The following PTPRE variants were observed in gnomAD, a reference collection of about 807,000 sequenced individuals.
PTPRE encodes the protein receptor-type tyrosine-protein phosphatase epsilon.
PTPRE carries 51 observed loss-of-function variants against 102.0 expected under a neutral mutation model. The ratio of observed to expected loss-of-function variants is 0.50; its 90% CI spans 0.40 to 0.63. The LOEUF is 0.63. PTPRE is among the 30% of genes least tolerant of loss of function. The probability of loss-of-function intolerance (pLI) is 0.00; values close to 1 mark genes in which losing one functional copy is unlikely to be tolerated. For missense variants in PTPRE, 752 were observed against 915.1 expected, an observed-to-expected ratio of 0.82 and a Z score of 2.30; for synonymous variants, 345 against 348.2, an observed-to-expected ratio of 0.99 and a Z score of 0.10.
chr10:128,076,386 G>C (rs1333962325), intron 17 of PTPRE, among the ~76,000 whole-genome samples: 1 of 151,930 alleles, frequency 6.6e-6, no homozygotes, highest in Non-Finnish European at 1.5e-5. Flanking sequence ...TCTGCCATAT[G>C]TTAAGGTTTC....
rs1851970181 is a variant in PTPRE at position 128,084,623 on chromosome 10, AT to A, written c.*1718del. 6.5e-6 allele frequency: 1 copy of A among 153,384 alleles called. No homozygotes were observed. Among genetic ancestry groups the A allele is most frequent in the African/African-American group, 2.4e-5 (1 of 41,426 alleles). The allele number at this position is 153,384 out of a possible 1,614,324, so 9.5% of individuals were successfully genotyped here. A position where few individuals can be genotyped will look rare whatever the true frequency, so the allele number is the denominator to read the frequency against. ...GTGCTCCTCTCTCCTTCTCTGTACA[AT>A]GATTCAGCATCTCGGCGGAAGAGGA... On this transcript the variant is annotated 3_prime_UTR_variant, in exon 21 of 21. Coordinates refer to ENST00000254667, the MANE Select transcript of PTPRE (RefSeq NM_006504.6).
rs12246187 is a variant in PTPRE, at chr10:127,907,994, C to G, written c.-31+685C>G. ...GCGCGGTGCCAATTCTGAGAGCTCC[C>G]GGGACCATCTGGGGAAGGCCGGGCA... is the stretch of plus-strand genomic sequence containing the variant. On this transcript the variant is annotated intron_variant, in intron 1 of 20. Transcript: ENST00000254667. This position sits in a 1 kb window ranked among gnomAD's most constrained non-coding sequence, Gnocchi z 4.8. Among the ~76,000 whole-genome samples, 64,957 of 152,006 alleles carry G rather than the reference C, an allele frequency of 0.43. 14,314 individuals carry two copies. Among genetic ancestry groups the G allele is most frequent in the Non-Finnish European group, 0.46 (31,475 of 67,932 alleles).
intron 20 of PTPRE, among the ~76,000 whole-genome samples, chr10:128,080,058 ATT>A (rs1851564352): frequency 6.6e-6 from 1 of 151,358 alleles, no homozygotes; most frequent in African/African-American, 2.4e-5. Context: ...CAGCACTGAA[ATT>A]TAAAATCCTG....
intron 2 of PTPRE, among the ~76,000 whole-genome samples, chr10:127,996,163 GA>G (rs1477014851): frequency 1.3e-5 from 2 of 152,176 alleles, no homozygotes; most frequent in South Asian, 4.1e-4. Flanking sequence ...ATTTGGAAGG[GA>G]GAGAGCTTCT....
intron 2 of PTPRE, among the ~76,000 whole-genome samples, chr10:128,010,168 C>A (rs1844864769): frequency 1.3e-5 from 2 of 152,236 alleles, no homozygotes; most frequent in South Asian, 4.1e-4. Flanking sequence ...GCCCTTCCAG[C>A]CTGGATACCT....
intron 1 of PTPRE, among the ~76,000 whole-genome samples, chr10:127,979,421 T>G (rs1216348106): frequency 6.6e-6 from 1 of 152,274 alleles, no homozygotes; most frequent in Non-Finnish European, 1.5e-5. Context: ...GAGAACATTA[T>G]GATTGGTTTT....
chr10:127,975,080 G>C (rs1768832859), intron 1 of PTPRE, among the ~76,000 whole-genome samples: 2 of 152,308 alleles, frequency 1.3e-5, no homozygotes, highest in South Asian at 4.1e-4. Context: ...GGAGAGAGTA[G>C]GACTTGACCT....
At chr10:127,910,340 G>A (rs1845783515) in intron 1 of PTPRE, among the ~76,000 whole-genome samples, 1 of 152,012 alleles carries the variant, frequency 6.6e-6, no homozygotes, top group South Asian at 2.1e-4. Context: ...CATACCTCAA[G>A]GCCCACCTCA....
At chr10:127,984,967 G>A (rs928294272) in intron 2 of PTPRE, among the ~76,000 whole-genome samples, 2 of 152,236 alleles carry the variant, frequency 1.3e-5, no homozygotes, top group African/African-American at 4.8e-5. Context: ...TCACTGCTAA[G>A]CATTTGAGAC....
intron 1 of PTPRE, among the ~76,000 whole-genome samples, chr10:127,955,872 A>G (rs1773181704): frequency 6.6e-6 from 1 of 152,218 alleles, no homozygotes; most frequent in East Asian, 1.9e-4. Flanking sequence ...GTGGCAGGAA[A>G]GAGAGAGAGA....
At chr10:127,968,251 C>T (rs1245012424) in intron 1 of PTPRE, among the ~76,000 whole-genome samples, 1 of 152,222 alleles carries the variant, frequency 6.6e-6, no homozygotes, top group Non-Finnish European at 1.5e-5. Context: ...GTCAACTGCA[C>T]TCCAGGCTTG....
chr10:127,942,253 T>C (rs1482057306), intron 1 of PTPRE, among the ~76,000 whole-genome samples: 3 of 152,182 alleles, frequency 2.0e-5, no homozygotes, highest in African/African-American at 4.8e-5. Flanking sequence ...GCTAGCAAAC[T>C]GAGGCTCTAA....
chr10:128,070,215 G>A lies in PTPRE; in HGVS notation c.1144-86G>A. 1 of 1,459,256 alleles carries A rather than the reference G, an allele frequency of 6.9e-7. No individual in the cohort carries two copies. Among genetic ancestry groups the A allele is most frequent in the South Asian group, 1.4e-5 (1 of 73,180 alleles). The allele number at this position is 1,459,256 out of a possible 1,614,324, so 90.4% of individuals were successfully genotyped here. A position where few individuals can be genotyped will look rare whatever the true frequency, so the allele number is the denominator to read the frequency against. ...TTGGCAAAAAGAGAAAAAGAAGAAA[G>A]CCGCCCTCTTTGGTCTGCCAAGCTC... On this transcript the variant is annotated intron_variant, in intron 13 of 20. Transcript: ENST00000254667. This position sits in a 1 kb window ranked among gnomAD's most constrained non-coding sequence, Gnocchi z 4.8.
intron 3 of PTPRE, among the ~76,000 whole-genome samples, chr10:128,041,605 G>A (rs190274746): frequency 0.01 from 1,340 of 132,276 alleles, 11 homozygotes; most frequent in Middle Eastern, 0.022. Context: ...CTGAGATTGT[G>A]CCACTGCACT....
chr10:128,001,116 T>C (rs1184023860), intron 2 of PTPRE, among the ~76,000 whole-genome samples: 1 of 152,262 alleles, frequency 6.6e-6, no homozygotes, highest in African/African-American at 2.4e-5. Context: ...AATCACGTTT[T>C]ACCTGTAATG....
chr10:127,917,945 G>A (rs11018402), intron 1 of PTPRE, among the ~76,000 whole-genome samples: 14,011 of 151,982 alleles, frequency 0.092, 770 homozygotes, highest in South Asian at 0.17. Context: ...CAGGAGAATC[G>A]CTTGAACCCA....
intron 1 of PTPRE, chr10:127,964,931 C>A: frequency 2.2e-6 from 1 of 454,350 alleles, no homozygotes; most frequent in South Asian, 1.6e-5. Flanking sequence ...CCCTGGACCC[C>A]ACGGAAGAAG....
rs751387508 is a variant in PTPRE, at chr10:128,077,799, G to A, written c.1892+16G>A. ...TGCACTGCAGGTGAGCCCCCAGCCC[G>A]AAGCCCTCCAGGTGGGGTGGACACA... On this transcript the variant is annotated intron_variant, in intron 19 of 20. Coordinates refer to ENST00000254667, the MANE Select transcript of PTPRE (RefSeq NM_006504.6). The A allele has an allele frequency of 1.2e-5, 19 of 1,575,486 alleles. No individual in the cohort carries two copies. Among genetic ancestry groups the A allele is most frequent in the Middle Eastern group, 1.7e-4 (1 of 5,934 alleles).
Position 128,077,613 on chromosome 10 carries a change from G to A in PTPRE, c.1726-4G>A, listed in dbSNP as rs769934201. 6.2e-7 allele frequency: 1 copy of A among 1,600,082 alleles called. No homozygotes were observed. Among genetic ancestry groups the A allele is most frequent in the Non-Finnish European group, 8.5e-7 (1 of 1,169,720 alleles). On this transcript the variant is annotated splice_polypyrimidine_tract_variant and splice_region_variant and intron_variant, in intron 18 of 20. Transcript: ENST00000254667. ...GACGCTGAGACCCCCTCTCCTCCCT[G>A]CAGCCCCAGGCCCGCCAGGAGGAGC...
Sources: gnomAD v4.1 joint callset for allele counts (sites outside exome capture counted in the v4.1 genomes callset) on GRCh38, gnomAD v4.1.1 for gene constraint, Gnocchi (gnomAD v3.1) non-coding constraint, MANE v1.5 for transcripts, NCBI Gene and HGNC (gene_info 2026-07-23, HGNC 2026-07-21) for gene names.